Variants in RBMS3 observed in about 807,000 individuals in gnomAD.
RBMS3 encodes the protein RNA binding motif single stranded interacting protein 3.
In RBMS3, 27 loss-of-function variants were observed where a neutral mutation model predicts 66.8. The ratio of observed to expected loss-of-function variants is 0.40; its 90% CI spans 0.30 to 0.56. RBMS3 has a LOEUF of 0.56. RBMS3 is among the 20% of genes least tolerant of loss of function. The probability of loss-of-function intolerance (pLI) is 0.40; values close to 1 mark genes in which losing one functional copy is unlikely to be tolerated. For synonymous variants in RBMS3, 188 were observed against 183.0 expected (o/e 1.03, Z -0.22); for missense variants, 513 against 549.5 (o/e 0.93, Z 0.66).
chr3:29,858,286 TA>T (rs1396217101), intron 6 of RBMS3, among the ~76,000 whole-genome samples: 2 of 152,144 alleles, frequency 1.3e-5, no homozygotes, highest in Non-Finnish European at 2.9e-5. Flanking sequence ...CTCTTTCTAA[TA>T]AAAAATTTCA....
intron 4 of RBMS3, among the ~76,000 whole-genome samples, chr3:29,715,323 A>G (rs1451663083): frequency 6.6e-6 from 1 of 152,140 alleles, no homozygotes; most frequent in African/African-American, 2.4e-5. Context: ...TGCTTCATTC[A>G]TGGCTGAGAA....
At chr3:29,898,736 CGTGTGT>C (rs3072651) in intron 9 of RBMS3, among the ~76,000 whole-genome samples, 28 of 142,614 alleles carry the variant, frequency 2.0e-4, no homozygotes, top group East Asian at 4.2e-4. Flanking sequence ...TTGTAATGTG[CGTGTGT>C]GTGTGTGTGT....
intron 2 of RBMS3, among the ~76,000 whole-genome samples, chr3:29,443,956 C>CAGAA (rs2125744275): frequency 6.6e-6 from 1 of 152,190 alleles, no homozygotes; most frequent in East Asian, 1.9e-4. Flanking sequence ...GGAGCCATTT[C>CAGAA]AGAAAATGAA....
intron 3 of RBMS3, among the ~76,000 whole-genome samples, chr3:29,508,763 A>G (rs1238504497): frequency 1.3e-5 from 2 of 151,734 alleles, no homozygotes; most frequent in East Asian, 4.0e-4. Context: ...TAGATCCTTG[A>G]GAAATCACCA....
At position 29,281,550 on chromosome 3, in the gene RBMS3, G is replaced by A; in HGVS notation, c.-132G>A. On this transcript the variant is annotated 5_prime_UTR_variant, in exon 1 of 15. Coordinates refer to ENST00000383767, the MANE Select transcript of RBMS3 (RefSeq NM_001003793.3). Reference sequence around the variant, plus strand: ...AAAAATTCTTGCTGTGTTGGAACTAGCGAGTGGTGGAGTCTCTGAAGCCTC... The same window carrying A: ...AAAAATTCTTGCTGTGTTGGAACTAACGAGTGGTGGAGTCTCTGAAGCCTC... 1.5e-6 allele frequency: 1 copy of A among 671,136 alleles called. No homozygotes were observed. Among genetic ancestry groups the A allele is most frequent in the South Asian group, 1.8e-5 (1 of 54,950 alleles). 41.6% of individuals were successfully genotyped at this position (671,136 alleles called of 1,614,324 possible). A position where few individuals can be genotyped will look rare whatever the true frequency, so the allele number is the denominator to read the frequency against.
intron 1 of RBMS3, among the ~76,000 whole-genome samples, chr3:29,423,988 C>T (rs1024959681): frequency 3.3e-5 from 5 of 152,160 alleles, no homozygotes; most frequent in African/African-American, 1.2e-4. Context: ...TAGTTCTTAC[C>T]TCTAAGAGTT....
intron 1 of RBMS3, among the ~76,000 whole-genome samples, chr3:29,326,884 C>T (rs9830296): frequency 6.6e-6 from 1 of 151,904 alleles, no homozygotes; most frequent in African/African-American, 2.4e-5. Context: ...ACGTGCACCA[C>T]CACGCCCAGC....
At chr3:29,517,266 CAT>C (rs1190991720) in intron 3 of RBMS3, among the ~76,000 whole-genome samples, 16 of 121,078 alleles carry the variant, frequency 1.3e-4, no homozygotes, top group Middle Eastern at 4.7e-3. Flanking sequence ...GAGGTGATTT[CAT>C]ATATGTGTGT....
At chr3:29,517,621 C>A (rs1015959116) in intron 3 of RBMS3, among the ~76,000 whole-genome samples, 1 of 152,154 alleles carries the variant, frequency 6.6e-6, no homozygotes, top group Admixed American at 6.5e-5. Flanking sequence ...CCGCGCCCGG[C>A]CCTACATGAT....
At chr3:29,526,483 T>C (rs1046322520) in intron 3 of RBMS3, among the ~76,000 whole-genome samples, 2 of 120,320 alleles carry the variant, frequency 1.7e-5, no homozygotes, top group African/African-American at 6.3e-5. Context: ...ATCGCGCCAC[T>C]GCACTCCAGC....
intron 3 of RBMS3, among the ~76,000 whole-genome samples, chr3:29,569,657 C>A (rs2046874954): frequency 6.6e-6 from 1 of 152,042 alleles, no homozygotes. Context: ...TGAATTTGAT[C>A]TAACTGGCTT....
In RBMS3 at chr3:29,914,042, T is replaced by C. The variant is rs552422625; in HGVS notation, c.939+14287T>C. 2.6e-5 allele frequency among the ~76,000 whole-genome samples: 4 copies of C among 152,122 alleles called. No individual in the cohort carries two copies. In the East Asian group the frequency reaches 5.8e-4, roughly 22 times the overall value. ...ATTACTGTCCATATATGCTGAAAGC[T>C]GACCTCCATTATAGATATTATTTAA... On this transcript the variant is annotated intron_variant, in intron 10 of 14. Coordinates refer to ENST00000383767, the MANE Select transcript of RBMS3 (RefSeq NM_001003793.3).
At chr3:29,353,421 T>C (rs759122660) in intron 1 of RBMS3, among the ~76,000 whole-genome samples, 1 of 151,990 alleles carries the variant, frequency 6.6e-6, no homozygotes, top group Non-Finnish European at 1.5e-5. Context: ...TAAAGGAGTA[T>C]AGATTTATAG....
chr3:29,723,359 C>T (rs6549953), intron 4 of RBMS3, among the ~76,000 whole-genome samples: 86,639 of 151,996 alleles, frequency 0.57, 25,312 homozygotes, highest in African/African-American at 0.7. Context: ...ATTTTGTTAA[C>T]GTCAATATTC....
At chr3:29,666,495 C>T (rs2050765787) in intron 4 of RBMS3, among the ~76,000 whole-genome samples, 1 of 152,132 alleles carries the variant, frequency 6.6e-6, no homozygotes, top group Non-Finnish European at 1.5e-5. Context: ...CTTTTTCTTT[C>T]TGTCAGTAGA....
At chr3:29,450,924 CACACA>C (rs1334084641) in intron 2 of RBMS3, among the ~76,000 whole-genome samples, 1 of 124,852 alleles carries the variant, frequency 8.0e-6, no homozygotes, top group African/African-American at 3.0e-5. Context: ...CACACACACA[CACACA>C]CACCCCCCAC....
intron 2 of RBMS3, among the ~76,000 whole-genome samples, chr3:29,486,219 A>G (rs1424747117): frequency 3.9e-5 from 6 of 152,178 alleles, no homozygotes; most frequent in Non-Finnish European, 7.4e-5. Context: ...CCTGTTTGTC[A>G]TCCTGAGAGT....
At chr3:29,906,485 A>C (rs991529748) in intron 10 of RBMS3, among the ~76,000 whole-genome samples, 3 of 151,930 alleles carry the variant, frequency 2.0e-5, no homozygotes, top group East Asian at 1.9e-4. Context: ...AGCTGACATT[A>C]ATCCATTCAT....
intron 5 of RBMS3, among the ~76,000 whole-genome samples, chr3:29,747,083 G>T (rs1011548389): frequency 1.3e-5 from 2 of 152,164 alleles, no homozygotes; most frequent in Non-Finnish European, 2.9e-5. Flanking sequence ...GAAAAGTGGG[G>T]ACATTGGAGG....
Sources: allele counts gnomAD v4.1 joint callset (sites outside exome capture counted in the v4.1 genomes callset), GRCh38; gene constraint gnomAD v4.1.1; transcripts MANE v1.5; gene names NCBI Gene and HGNC (gene_info 2026-07-23, HGNC 2026-07-21).